KALRN: variants seen among roughly 807,000 people sequenced by gnomAD.
KALRN encodes kalirin.
A neutral mutation model predicts 353.7 loss-of-function variants in KALRN; 70 were observed. The observed-to-expected ratio is 0.20, with a 90% confidence interval of 0.16 to 0.24. The LOEUF (loss-of-function observed/expected upper bound fraction) is 0.24, where lower values mean the gene tolerates loss of function less well. Among genes scored for constraint, KALRN ranks in the 10% least tolerant of loss-of-function variants. KALRN has a pLI of 1.00. For missense variants in KALRN, 2,791 were observed against 3,756.7 expected, an observed-to-expected ratio of 0.74 and a Z score of 6.72; for synonymous variants, 1,391 against 1,434.8, an observed-to-expected ratio of 0.97 and a Z score of 0.69.
chr3:124,675,808 A>G (rs2087123383), intron 49 of KALRN, among the ~76,000 whole-genome samples: 1 of 152,146 alleles, frequency 6.6e-6, no homozygotes, highest in African/African-American at 2.4e-5. Context: ...CCCCTGCTGC[A>G]TAGTAATCCA....
chr3:124,247,883 GA>G (rs35683525), intron 3 of KALRN, among the ~76,000 whole-genome samples: 7,051 of 148,274 alleles, frequency 0.048, 480 homozygotes, highest in African/African-American at 0.16. Context: ...CACTTGTATT[GA>G]AAAAAAAAAG....
intron 10 of KALRN, among the ~76,000 whole-genome samples, chr3:124,366,948 T>A (rs1266127889): frequency 1.5e-5 from 2 of 134,272 alleles, no homozygotes; most frequent in African/African-American, 5.9e-5. Context: ...CACTTCCCAG[T>A]AGGGGTGGCC....
At chr3:124,383,667 C>T (rs764526898) in intron 10 of KALRN, among the ~76,000 whole-genome samples, 10 of 152,186 alleles carry the variant, frequency 6.6e-5, no homozygotes, top group Non-Finnish European at 7.4e-5. Context: ...TAACTAATTA[C>T]GTCTACAATT....
Position 124,657,767 on chromosome 3 carries a change from G to A in KALRN, c.6000G>A (p.Gln2000=). The change falls in exon 41 of 60, where the codon CAG becomes CAA. Residue 2000 remains glutamine, a synonymous_variant. Coordinates refer to ENST00000682506, the MANE Select transcript of KALRN (RefSeq NM_001388419.1). ...TGGCGGAACTGGAAAAGTGTATCCA[G>A]GAGCAAGACAGATTGGCACAGCTCT... ...FFLAELEKCI[Q]EQDRLAQLFI... is the part of the protein sequence containing the mutation. 1.2e-6 allele frequency: 2 copies of A among 1,613,970 alleles called. No individual in the cohort carries two copies. The highest frequency in any genetic ancestry group is 1.7e-6 in the Non-Finnish European group (2 of 1,179,832).
intron 38 of KALRN, 127 bp downstream of exon 38, chr3:124,651,065 C>T (rs764693862): frequency 8.8e-7 from 1 of 1,139,546 alleles, no homozygotes; most frequent in Non-Finnish European, 1.3e-6. Flanking sequence ...TTCTAAGACT[C>T]AGATCTGTAC....
intron 1 of KALRN, among the ~76,000 whole-genome samples, chr3:124,051,150 C>T (rs899049443): frequency 6.6e-6 from 1 of 152,128 alleles, no homozygotes; most frequent in Admixed American, 6.5e-5. Flanking sequence ...TTGATTCTTC[C>T]AGCAAGCATG....
intron 34 of KALRN, among the ~76,000 whole-genome samples, chr3:124,573,498 T>C (rs1281556383): frequency 6.6e-6 from 1 of 152,042 alleles, no homozygotes; most frequent in Non-Finnish European, 1.5e-5. Context: ...TTTCCATTGG[T>C]TTTCTTTTTT....
intron 2 of KALRN, among the ~76,000 whole-genome samples, chr3:124,234,251 A>G (rs2079499915): frequency 1.3e-5 from 2 of 152,218 alleles, no homozygotes; most frequent in South Asian, 4.1e-4. Context: ...CCTCAGGCAG[A>G]CAGGCAGGGG....
chr3:124,428,902 A>T (rs527640612), intron 15 of KALRN, among the ~76,000 whole-genome samples: 30 of 152,290 alleles, frequency 2.0e-4, no homozygotes, highest in African/African-American at 6.0e-4. Flanking sequence ...ACAGACATTG[A>T]TGTGTGATGC....
intron 34 of KALRN, among the ~76,000 whole-genome samples, chr3:124,581,620 T>G (rs1436127832): frequency 6.6e-6 from 1 of 152,116 alleles, no homozygotes; most frequent in Non-Finnish European, 1.5e-5. Context: ...GAGGGAAGAT[T>G]TGAGTAAAAA....
chr3:124,605,735 T>C (rs2077279167), intron 34 of KALRN, among the ~76,000 whole-genome samples: 1 of 152,134 alleles, frequency 6.6e-6, no homozygotes, highest in Non-Finnish European at 1.5e-5. Context: ...TATAGAGCTT[T>C]AGTACTGTAG....
chr3:124,688,707 G>A (rs1051481917), intron 51 of KALRN, among the ~76,000 whole-genome samples: 3 of 152,122 alleles, frequency 2.0e-5, no homozygotes, highest in African/African-American at 7.2e-5. Context: ...AAAAATGGGA[G>A]TGGAGGTCTT....
intron 1 of KALRN, among the ~76,000 whole-genome samples, chr3:124,185,295 C>T (rs541447878): frequency 1.3e-5 from 2 of 152,198 alleles, no homozygotes; most frequent in Admixed American, 6.5e-5. Flanking sequence ...GGATTACAGG[C>T]GTGAGCCACT....
chr3:124,061,784 G>A (rs1323121278), intron 1 of KALRN, among the ~76,000 whole-genome samples: 1 of 152,184 alleles, frequency 6.6e-6, no homozygotes, highest in African/African-American at 2.4e-5. Context: ...TCTGCTGGCT[G>A]TCAACAGGTG....
chr3:124,696,083 G>T (rs760676108), intron 53 of KALRN, 51 bp from the exon 54 acceptor site: 2 of 1,604,404 alleles, frequency 1.2e-6, no homozygotes, highest in Non-Finnish European at 1.7e-6. Flanking sequence ...TTACCCAGCA[G>T]TCAAGTGTCT....
chr3:124,483,588 G>T (rs917455571), intron 28 of KALRN, among the ~76,000 whole-genome samples: 1 of 151,856 alleles, frequency 6.6e-6, no homozygotes. Flanking sequence ...ATAAATAAAA[G>T]GTCAGAGTCC....
intron 1 of KALRN, among the ~76,000 whole-genome samples, chr3:124,202,231 CCACTT>C (rs1379374336): frequency 6.6e-6 from 1 of 152,170 alleles, no homozygotes; most frequent in African/African-American, 2.4e-5. Context: ...GAAGTGGCAG[CCACTT>C]CACTTTAGTT....
chr3:124,467,325 G>A (rs1293127765), intron 25 of KALRN, among the ~76,000 whole-genome samples: 2 of 152,222 alleles, frequency 1.3e-5, no homozygotes, highest in Non-Finnish European at 2.9e-5. Flanking sequence ...TGGGCCAAAG[G>A]TGGCTAGATT....
In KALRN at chr3:124,298,864, A is replaced by T; in HGVS notation, c.1043A>T (p.Tyr348Phe). The part of the protein sequence containing the change: ...SHTEIGVSYQ[Y>F]ALDLQTQHNH... ...ACGGAGATCGGAGTCAGCTACCAGT[A>T]CGCCCTTGACCTCCAGACGCAGCAC... The change falls in exon 6 of 60, where the codon TAC becomes TTC. Residue 348 changes from tyrosine (Y) to phenylalanine (F), a missense_variant. By Grantham distance (22) the Tyr-to-Phe change is conservative (BLOSUM62 3). Transcript: ENST00000682506. 1 of 1,614,134 alleles carries T rather than the reference A, an allele frequency of 6.2e-7. No individual in the cohort carries two copies. The highest frequency in any genetic ancestry group is 8.5e-7 in the Non-Finnish European group (1 of 1,180,004).
Sources: allele counts gnomAD v4.1 joint callset (sites outside exome capture counted in the v4.1 genomes callset), GRCh38; gene constraint gnomAD v4.1.1; transcripts MANE v1.5; gene names NCBI Gene and HGNC (gene_info 2026-07-23, HGNC 2026-07-21).